The following CHD1L variants were observed in gnomAD, a reference collection of about 807,000 sequenced individuals.
The protein encoded by CHD1L is ATP-dependent chromatin remodeler CHD1L.
In CHD1L, 118 loss-of-function variants were observed where a neutral mutation model predicts 115.9. The observed-to-expected ratio is 1.02, with a 90% CI of 0.88 to 1.19. CHD1L has a LOEUF of 1.19. CHD1L is among the 50% of genes most tolerant of loss of function. The pLI is 0.00. For missense variants in CHD1L, 1,179 were observed against 1,065.3 expected (o/e 1.11, Z -1.49); for synonymous variants, 411 against 387.1 (o/e 1.06, Z -0.72).
chr1:147,213,994 A>G, the CHD1L span, among the ~76,000 whole-genome samples: 1 of 152,174 alleles, frequency 6.6e-6, no homozygotes, highest in Non-Finnish European at 1.5e-5. Flanking sequence ...GCTCCCATAA[A>G]TACCCATTTT....
At chr1:147,234,543 C>T in the CHD1L span, among the ~76,000 whole-genome samples, 5 of 152,216 alleles carry the variant, frequency 3.3e-5, no homozygotes, top group Admixed American at 6.5e-5. Context: ...GTAAAGTGCC[C>T]ACACGTGGCC....
At chr1:147,193,480 G>A in the CHD1L span, among the ~76,000 whole-genome samples, 2 of 151,976 alleles carry the variant, frequency 1.3e-5, no homozygotes, top group Non-Finnish European at 1.5e-5. Flanking sequence ...TTAATTTTTT[G>A]AAGGGTTTTT....
chr1:147,219,533 A>T, the CHD1L span, among the ~76,000 whole-genome samples: 4 of 152,170 alleles, frequency 2.6e-5, no homozygotes, highest in Admixed American at 6.5e-5. Context: ...ATCATACTTA[A>T]CAGTGAGAAA....
In CHD1L at chr1:147,286,396, A is replaced by G. The variant is rs1443935605; in HGVS notation, c.2117A>G (p.Glu706Gly). The change falls in exon 18 of 23, where the codon GAG (glutamate) becomes GGG (glycine). Residue 706 changes from glutamate to glycine, a missense_variant. Coordinates refer to ENST00000369258, the MANE Select transcript of CHD1L (RefSeq NM_004284.6). Reference sequence around the variant, plus strand: ...GAGAATGGGGAAGAGAGCTCTGCTGAGCTGGATTACCAAGACCCAGATGCT... The same window carrying G: ...GAGAATGGGGAAGAGAGCTCTGCTGGGCTGGATTACCAAGACCCAGATGCT... ...DLENGEESSA[E>G]LDYQDPDATS... is the part of the protein sequence containing the mutation. 4 of 1,614,010 alleles carry G rather than the reference A, an allele frequency of 2.5e-6. No individual in the cohort carries two copies. In the African/African-American group the frequency reaches 5.3e-5, roughly 22 times the overall value.
the CHD1L span, chr1:147,173,401 G>GGA: frequency 6.6e-6 from 1 of 152,306 alleles, no homozygotes; most frequent in Non-Finnish European, 1.5e-5. Context: ...GGCGTGTTTA[G>GGA]GAGCTCTAGC....
chr1:147,258,944 A>G (rs995308859), intron 5 of CHD1L: 1 of 152,220 alleles, frequency 6.6e-6, no homozygotes, highest in Non-Finnish European at 1.5e-5. Flanking sequence ...AAGAGGATAC[A>G]TGATATTTAT....
chr1:147,272,237 T>C lies in CHD1L; in HGVS notation c.1226T>C (p.Phe409Ser). ...GEERHLAIKN[F>S]GQQPIFVFLL... ...GAGAGACACTTGGCCATTAAGAACTTTGGACAGCAGCCCATTTTCGTTTTT... is the reference window on the plus strand; with the variant it reads ...GAGAGACACTTGGCCATTAAGAACTCTGGACAGCAGCCCATTTTCGTTTTT... The change falls in exon 12 of 23, where the codon TTT becomes TCT. Residue 409 changes from phenylalanine to serine, a missense_variant. Transcript: ENST00000369258. 2 of 1,614,160 alleles carry C rather than the reference T, an allele frequency of 1.2e-6. No individual in the cohort carries two copies. Among genetic ancestry groups the C allele is most frequent in the Non-Finnish European group, 1.7e-6 (2 of 1,179,994 alleles).
upstream of CHD1L, chr1:147,242,634 C>T (rs1665040916): frequency 3.2e-6 from 4 of 1,240,490 alleles, no homozygotes; most frequent in Non-Finnish European, 4.0e-6. Context: ...CAGTCGCGCG[C>T]CCCCGCGCGT....
At chr1:147,216,090 TC>T in the CHD1L span, 1 of 586,554 alleles carries the variant, frequency 1.7e-6, no homozygotes, top group Middle Eastern at 3.8e-4. Flanking sequence ...TGTAGTCCCT[TC>T]CCCTTGAATC....
the CHD1L span, chr1:147,210,260 AT>A: frequency 5.3e-5 from 8 of 152,244 alleles, no homozygotes; most frequent in South Asian, 1.7e-3. Context: ...GAAAAATAAG[AT>A]TGCTAGTGGA....
chr1:147,292,370 T>A (rs587633697), intron 20 of CHD1L, among the ~76,000 whole-genome samples: 29 of 152,338 alleles, frequency 1.9e-4, no homozygotes, highest in African/African-American at 7.0e-4. Context: ...CATCTTGGGA[T>A]GCCTGTAGTG....
chr1:147,232,063 A>G, the CHD1L span, among the ~76,000 whole-genome samples: 3 of 152,204 alleles, frequency 2.0e-5, no homozygotes, highest in African/African-American at 7.2e-5. Context: ...CTATTCAGCC[A>G]TCTTGGCTCC....
chr1:147,258,059 G>A (rs1670686664), intron 5 of CHD1L, among the ~76,000 whole-genome samples: 1 of 152,136 alleles, frequency 6.6e-6, no homozygotes, highest in Non-Finnish European at 1.5e-5. Context: ...GCTTATTGCT[G>A]TATTGTACAT....
At chr1:147,200,166 G>A in the CHD1L span, among the ~76,000 whole-genome samples, 1 of 152,254 alleles carries the variant, frequency 6.6e-6, no homozygotes, top group Admixed American at 6.5e-5. Flanking sequence ...TAGGAAAAAG[G>A]TTTTGGATTT....
intron 15 of CHD1L, among the ~76,000 whole-genome samples, chr1:147,283,359 C>T (rs1222167676): frequency 6.6e-6 from 1 of 152,152 alleles, no homozygotes; most frequent in African/African-American, 2.4e-5. Flanking sequence ...TAATGGATTT[C>T]ACAAATATTG....
intron 14 of CHD1L, among the ~76,000 whole-genome samples, chr1:147,276,541 G>A (rs1678553077): frequency 6.6e-6 from 1 of 152,194 alleles, no homozygotes; most frequent in Non-Finnish European, 1.5e-5. Context: ...GGTTAGCTCA[G>A]AGGGCTGTTA....
At chr1:147,269,094 TATA>T (rs1675120417) in intron 10 of CHD1L, among the ~76,000 whole-genome samples, 1 of 152,176 alleles carries the variant, frequency 6.6e-6, no homozygotes, top group Non-Finnish European at 1.5e-5. Flanking sequence ...GTACAGCACT[TATA>T]ATCCTAATCC....
In CHD1L at chr1:147,284,364, C is replaced by T; in HGVS notation, c.1719C>T (p.Tyr573=). 1 of 1,575,524 alleles carries T rather than the reference C, an allele frequency of 6.3e-7. No homozygotes were observed. The highest frequency in any genetic ancestry group is 1.2e-5 in the South Asian group (1 of 85,856). Reference sequence around the variant, plus strand: ...TTATGTTGTTAGAAAATCATATGTACTTATTTGAAGGTAAAGATTATTCTA... The same window carrying T: ...TTATGTTGTTAGAAAATCATATGTATTTATTTGAAGGTAAAGATTATTCTA... ...RDQEEGKNHM[Y]LFEGKDYSKE... The change falls in exon 16 of 23, where the codon TAC becomes TAT. Residue 573 remains tyrosine (Y), a synonymous_variant. Transcript: ENST00000369258.
chr1:147,279,440 C>T (rs1553960259), intron 14 of CHD1L, among the ~76,000 whole-genome samples: 1 of 152,140 alleles, frequency 6.6e-6, no homozygotes, highest in African/African-American at 2.4e-5. Context: ...AGTGCAATGC[C>T]AGAGGAACAT....
Sources: gnomAD v4.1 joint callset for allele counts (sites outside exome capture counted in the v4.1 genomes callset) on GRCh38, gnomAD v4.1.1 for gene constraint, MANE v1.5 for transcripts, NCBI Gene and HGNC (gene_info 2026-07-23, HGNC 2026-07-21) for gene names.